The following P2RX7 variants were observed in gnomAD, a reference collection of about 807,000 sequenced individuals.
P2RX7 encodes P2X purinoceptor 7.
P2RX7 carries 62 observed loss-of-function variants against 71.6 expected under a neutral mutation model. That is an observed-to-expected ratio of 0.87 (90% CI 0.71 to 1.07). P2RX7 has a LOEUF of 1.07. P2RX7 is among the 50% of genes least tolerant of loss of function. The probability of loss-of-function intolerance (pLI) is 0.00; values close to 1 mark genes in which losing one functional copy is unlikely to be tolerated. For synonymous variants in P2RX7, 299 were observed against 283.3 expected (o/e 1.06, Z -0.56); for missense variants, 686 against 748.5 (o/e 0.92, Z 0.97).
intron 1 of P2RX7, among the ~76,000 whole-genome samples, chr12:121,135,615 G>A (rs1235171809): frequency 6.6e-6 from 1 of 151,886 alleles, no homozygotes; most frequent in Non-Finnish European, 1.5e-5. Flanking sequence ...AGTAATCCCT[G>A]ATTAAGTGTT....
chr12:121,158,515 A>C (rs1879032156), intron 3 of P2RX7, among the ~76,000 whole-genome samples: 1 of 152,158 alleles, frequency 6.6e-6, no homozygotes, highest in Non-Finnish European at 1.5e-5. Context: ...AAAAAAATAG[A>C]AGCTTCCAGG....
chr12:121,177,042 C>G, intron 9 of P2RX7, 105 bp from the exon 10 acceptor site: 1 of 946,382 alleles, frequency 1.1e-6, no homozygotes, highest in Non-Finnish European at 1.7e-6. Flanking sequence ...CTATCCAAGT[C>G]ACAGCATGAG....
At chr12:121,183,628 T>C (rs920641926) in intron 12 of P2RX7, among the ~76,000 whole-genome samples, 1 of 150,412 alleles carries the variant, frequency 6.6e-6, no homozygotes, top group African/African-American at 2.4e-5. Flanking sequence ...CCATTTCCAA[T>C]AGTGCTAAGT....
At chr12:121,169,962 T>G (rs1881842594) in intron 8 of P2RX7, among the ~76,000 whole-genome samples, 1 of 152,008 alleles carries the variant, frequency 6.6e-6, no homozygotes, top group Non-Finnish European at 1.5e-5. Context: ...AGAAAGGGGC[T>G]GGGCTTTCTG....
rs3078950 is a variant in P2RX7, at chr12:121,186,053, CAAA to C, written c.*1263_*1265del. On this transcript the variant is annotated 3_prime_UTR_variant, in exon 13 of 13. Coordinates refer to ENST00000328963, the MANE Select transcript of P2RX7 (RefSeq NM_002562.6). ...TGGGTGACAGAGCGAGACTCCATCT[CAAA>C]AAAAAAAAAAAGAAAAAAAAAATGT... 8.1e-5 allele frequency: 7 copies of C among 86,626 alleles called. No individual in the cohort carries two copies. Among genetic ancestry groups the C allele is most frequent in the Non-Finnish European group, 1.2e-4 (5 of 42,476 alleles). The allele number at this position is 86,626 out of a possible 1,614,324, so 5.4% of individuals were successfully genotyped here. A position where few individuals can be genotyped will look rare whatever the true frequency, so the allele number is the denominator to read the frequency against.
At chr12:121,151,878 T>C (rs764869998) in intron 1 of P2RX7, among the ~76,000 whole-genome samples, 15 of 152,196 alleles carry the variant, frequency 9.9e-5, no homozygotes, top group Admixed American at 2.0e-4. Context: ...TCATACAATA[T>C]GTGGCCTTTT....
intron 1 of P2RX7, chr12:121,148,954 A>T: frequency 4.6e-6 from 2 of 435,446 alleles, no homozygotes; most frequent in East Asian, 1.2e-4. Context: ...GATACAAGGG[A>T]TACACTTTGG....
At chr12:121,162,998 A>C (rs1296149657) in intron 5 of P2RX7, among the ~76,000 whole-genome samples, 1 of 152,116 alleles carries the variant, frequency 6.6e-6, no homozygotes, top group Admixed American at 6.5e-5. Context: ...AAGTTTTCTC[A>C]GATTAAATGC....
At chr12:121,139,809 A>G (rs1169714) in intron 1 of P2RX7, among the ~76,000 whole-genome samples, 20,962 of 145,312 alleles carry the variant, frequency 0.14, 2,347 homozygotes, top group African/African-American at 0.32. Flanking sequence ...ATCTTGGCTC[A>G]TTGCAACCCC....
rs2136144165 is a variant in P2RX7, at chr12:121,177,186, G to A, written c.1012G>A (p.Gly338Ser). ...FDIIQLVVYI[G>S]STLSYFGLAA... ...CATTATCCAGCTGGTTGTGTACATC[G>A]GCTCAACCCTCTCCTACTTCGGTCT... The change falls in exon 10 of 13, where the codon GGC becomes AGC. Residue 338 changes from glycine (G) to serine (S), a missense_variant. Coordinates refer to ENST00000328963, the MANE Select transcript of P2RX7 (RefSeq NM_002562.6). 1 of 1,614,064 alleles carries A rather than the reference G, an allele frequency of 6.2e-7. No homozygotes were observed. Among genetic ancestry groups the A allele is most frequent in the East Asian group, 2.2e-5 (1 of 44,884 alleles).
intron 7 of P2RX7, 44 bp downstream of exon 7, chr12:121,166,231 GGGATGGAGGATGTCAAACA>G: frequency 6.3e-7 from 1 of 1,592,844 alleles, no homozygotes; most frequent in East Asian, 2.3e-5. Flanking sequence ...TGTGTGTCTA[GGGATGGAGGATGTCAAACA>G]GCCAAGAGGC....
chr12:121,160,292 C>T (rs182602564), intron 3 of P2RX7, among the ~76,000 whole-genome samples: 27 of 152,208 alleles, frequency 1.8e-4, no homozygotes, highest in African/African-American at 5.5e-4. Context: ...GGATTACAGG[C>T]GCACACCACC....
chr12:121,161,122 C>T (rs534018162), intron 4 of P2RX7, 148 bp downstream of exon 4: 62 of 711,514 alleles, frequency 8.7e-5, no homozygotes, highest in South Asian at 1.2e-4. Flanking sequence ...GCCCATGCTT[C>T]GGCTCTGTCC....
intron 2 of P2RX7, chr12:121,155,420 AG>A (rs1565950098): frequency 1.6e-6 from 2 of 1,282,486 alleles, no homozygotes; most frequent in Admixed American, 4.6e-5. Context: ...AAAAGAAGAA[AG>A]GCATCGGTCA....
chr12:121,161,921 G>A (rs1879812391), intron 4 of P2RX7, among the ~76,000 whole-genome samples: 1 of 151,258 alleles, frequency 6.6e-6, no homozygotes, highest in Non-Finnish European at 1.5e-5. Flanking sequence ...CATACTGTAT[G>A]TGTATTTGAG....
At chr12:121,136,065 T>TTTGC (rs1379735112) in intron 1 of P2RX7, among the ~76,000 whole-genome samples, 37 of 133,620 alleles carry the variant, frequency 2.8e-4, no homozygotes, top group South Asian at 1.4e-3. Flanking sequence ...GAGATGGGGT[T>TTTGC]TTGCCATCTC....
At chr12:121,167,667 G>T in intron 8 of P2RX7, 43 bp downstream of exon 8, 1 of 1,477,574 alleles carries the variant, frequency 6.8e-7, no homozygotes, top group African/African-American at 1.4e-5. Context: ...TGGCTGAATC[G>T]CATTCCCAGG....
intron 2 of P2RX7, among the ~76,000 whole-genome samples, chr12:121,155,724 G>T (rs1288450816): frequency 6.6e-6 from 1 of 151,996 alleles, no homozygotes; most frequent in East Asian, 1.9e-4. Context: ...GTGTTGTGAT[G>T]AAGGCTGCTC....
chr12:121,163,047 T>C (rs1335802343), intron 5 of P2RX7, among the ~76,000 whole-genome samples: 3 of 152,152 alleles, frequency 2.0e-5, no homozygotes, highest in Non-Finnish European at 4.4e-5. Context: ...CTTGTATTGA[T>C]GCTTCGCTTC....
Sources: gnomAD v4.1 joint callset for allele counts (sites outside exome capture counted in the v4.1 genomes callset) on GRCh38, gnomAD v4.1.1 for gene constraint, MANE v1.5 for transcripts, NCBI Gene and HGNC (gene_info 2026-07-23, HGNC 2026-07-21) for gene names.